Variants in ANKRD34C observed in about 807,000 individuals in gnomAD.
The protein encoded by ANKRD34C is ankyrin repeat domain-containing protein 34C.
For synonymous variants in ANKRD34C, 260 were observed against 253.6 expected (o/e 1.03, Z -0.24); for missense variants, 563 against 653.0 (o/e 0.86, Z 1.50).
At chr15:79,287,502 A>G (rs768481783) in intron 1 of ANKRD34C, among the ~76,000 whole-genome samples, 2 of 152,234 alleles carry the variant, frequency 1.3e-5, no homozygotes, top group Non-Finnish European at 2.9e-5. Context: ...TTTATCCTTA[A>G]CACCTAGCCT....
At chr15:79,285,408 A>G (rs950526802) in intron 1 of ANKRD34C, among the ~76,000 whole-genome samples, 3 of 152,236 alleles carry the variant, frequency 2.0e-5, no homozygotes, top group Non-Finnish European at 1.5e-5. Flanking sequence ...AGTGTATGAC[A>G]TTGTATCTGC....
chr15:79,289,751 G>A (rs770751012), intron 1 of ANKRD34C, among the ~76,000 whole-genome samples: 12 of 152,126 alleles, frequency 7.9e-5, no homozygotes, highest in Non-Finnish European at 1.5e-4. Flanking sequence ...AGCTGAGAAG[G>A]GAGCAAAGAC....
chr15:79,290,993 G>C (rs1466274897), intron 1 of ANKRD34C, among the ~76,000 whole-genome samples: 1 of 152,086 alleles, frequency 6.6e-6, no homozygotes, highest in Non-Finnish European at 1.5e-5. Flanking sequence ...AATAAGGCTG[G>C]GTATCTTTTT....
chr15:79,292,286 T>C (rs780921694), intron 1 of ANKRD34C, among the ~76,000 whole-genome samples: 4 of 152,174 alleles, frequency 2.6e-5, no homozygotes, highest in Non-Finnish European at 4.4e-5. Context: ...TCTTCTTATT[T>C]GTGAAGGGCC....
intron 1 of ANKRD34C, among the ~76,000 whole-genome samples, chr15:79,292,332 G>A (rs540639810): frequency 2.5e-4 from 38 of 152,296 alleles, no homozygotes; most frequent in Non-Finnish European, 4.4e-4. Context: ...TTTTGAGTCC[G>A]GGAATTAGGG....
chr15:79,286,163 C>T (rs1425334163), intron 1 of ANKRD34C, among the ~76,000 whole-genome samples: 1 of 147,432 alleles, frequency 6.8e-6, no homozygotes, highest in Non-Finnish European at 1.5e-5. Flanking sequence ...ATAGTGGCCA[C>T]CATTATAGTG....
chr15:79,285,195 T>A (rs1390563838), intron 1 of ANKRD34C, among the ~76,000 whole-genome samples: 1 of 152,206 alleles, frequency 6.6e-6, no homozygotes, highest in Non-Finnish European at 1.5e-5. Context: ...CCTAGAAACT[T>A]GCTCTGGTCT....
rs2058674207 is a variant in ANKRD34C at position 79,297,126 on chromosome 15, T to G, written c.*2234T>G. 1 of 166,928 alleles carries G rather than the reference T, an allele frequency of 6.0e-6. No homozygotes were observed. Among genetic ancestry groups the G allele is most frequent in the South Asian group, 2.1e-4 (1 of 4,824 alleles). The allele number at this position is 166,928 out of a possible 1,614,324, so 10.3% of individuals were successfully genotyped here. On this transcript the variant is annotated 3_prime_UTR_variant, in exon 2 of 2. Transcript: ENST00000421388. ...TGGTTTAGTGTGGACAACCCTGTTCTTTTCAGAACTATTTAATCATTAATA... is the reference window on the plus strand; with the variant it reads ...TGGTTTAGTGTGGACAACCCTGTTCGTTTCAGAACTATTTAATCATTAATA...
rs1462629061 is a variant in ANKRD34C, at chr15:79,294,687, T to G, written c.1403T>G (p.Val468Gly). Reference sequence around the variant, plus strand: ...CCTGGCTTCCTGCCGCCTTTAAATGTGAATCTGAACCCGCCTATTCCAGAT... The same window carrying G: ...CCTGGCTTCCTGCCGCCTTTAAATGGGAATCTGAACCCGCCTATTCCAGAT... ...TRPGFLPPLN[V>G]NLNPPIPDIR... The change falls in exon 2 of 2, where the codon GTG (valine) becomes GGG (glycine). Residue 468 changes from valine to glycine, a missense_variant. Transcript: ENST00000421388. 1 of 1,551,694 alleles carries G rather than the reference T, an allele frequency of 6.4e-7. No homozygotes were observed. Among genetic ancestry groups the G allele is most frequent in the Non-Finnish European group, 8.7e-7 (1 of 1,146,990 alleles).
At chr15:79,284,538 G>T (rs2058638096) in intron 1 of ANKRD34C, among the ~76,000 whole-genome samples, 1 of 152,162 alleles carries the variant, frequency 6.6e-6, no homozygotes, top group Admixed American at 6.5e-5. Context: ...TGAAAGGAAG[G>T]AGCAGGTAAT....
intron 1 of ANKRD34C, among the ~76,000 whole-genome samples, chr15:79,287,009 C>A (rs934021952): frequency 6.6e-5 from 10 of 152,182 alleles, no homozygotes; most frequent in African/African-American, 2.4e-4. Context: ...GGTTCAACAA[C>A]TTTCCACTCA....
chr15:79,291,406 C>G (rs1463240489), intron 1 of ANKRD34C, among the ~76,000 whole-genome samples: 2 of 152,114 alleles, frequency 1.3e-5, no homozygotes, highest in African/African-American at 4.8e-5. Context: ...TCCACTCATT[C>G]ATCTAGTCTT....
Position 79,297,730 on chromosome 15 carries a change from C to T in ANKRD34C, c.*2838C>T, listed in dbSNP as rs1239523762. The T allele has an allele frequency of 1.2e-5, 2 of 166,998 alleles. No individual in the cohort carries two copies. Among genetic ancestry groups the T allele is most frequent in the African/African-American group, 4.8e-5 (2 of 41,438 alleles). The allele number at this position is 166,998 out of a possible 1,614,324, so 10.3% of individuals were successfully genotyped here. A position where few individuals can be genotyped will look rare whatever the true frequency, so the allele number is the denominator to read the frequency against. On this transcript the variant is annotated 3_prime_UTR_variant, in exon 2 of 2. Transcript: ENST00000421388. ...TTATGCATAAATACGCAATTTTGTC[C>T]ATGTCAATGAACCTAACAAGAATGC...
At chr15:79,287,727 A>C (rs1204806426) in intron 1 of ANKRD34C, among the ~76,000 whole-genome samples, 4 of 152,206 alleles carry the variant, frequency 2.6e-5, no homozygotes, top group African/African-American at 9.7e-5. Context: ...AGTCAGTTGA[A>C]ACTTCAGAGG....
intron 1 of ANKRD34C, among the ~76,000 whole-genome samples, chr15:79,289,130 T>C (rs2058653293): frequency 6.6e-6 from 1 of 152,220 alleles, no homozygotes. Context: ...AAGCCCCGTA[T>C]TCTTAAAATG....
chr15:79,285,930 C>G (rs1405794969), intron 1 of ANKRD34C, among the ~76,000 whole-genome samples: 1 of 152,072 alleles, frequency 6.6e-6, no homozygotes, highest in Non-Finnish European at 1.5e-5. Context: ...TTTCCTGTTT[C>G]TAAACATGGA....
At position 79,284,521 on chromosome 15, in the gene ANKRD34C, T is replaced by G. The variant is rs115749453; in HGVS notation, c.-45+1293T>G. On this transcript the variant is annotated intron_variant, in intron 1 of 1. Transcript: ENST00000421388. ...CAAACTGGGAATTGTGGTTGGGTGT[T>G]AGGGGCTGAAAGGAAGGAGCAGGTA... 2.9e-3 allele frequency among the ~76,000 whole-genome samples: 438 copies of G among 152,228 alleles called. 2 individuals are homozygous for G. Among genetic ancestry groups the G allele is most frequent in the African/African-American group, 9.8e-3 (407 of 41,536 alleles).
At chr15:79,285,670 G>A (rs763763722) in intron 1 of ANKRD34C, among the ~76,000 whole-genome samples, 27 of 152,240 alleles carry the variant, frequency 1.8e-4, no homozygotes, top group African/African-American at 3.4e-4. Flanking sequence ...TGTGTGAATC[G>A]GGCCAATTGT....
rs2058670854 is a variant in ANKRD34C, at chr15:79,295,790, G to A, written c.*898G>A. 1 of 166,738 alleles carries A rather than the reference G, an allele frequency of 6.0e-6. No homozygotes were observed. The highest frequency in any genetic ancestry group is 1.9e-4 in the East Asian group (1 of 5,198). The allele number at this position is 166,738 out of a possible 1,614,324, so 10.3% of individuals were successfully genotyped here. ...AGAATGACAACTGAGGATGAGATGT[G>A]CATAGATTAAATGGTAAAGTGGGTG... On this transcript the variant is annotated 3_prime_UTR_variant, in exon 2 of 2. Transcript: ENST00000421388.
Sources: allele counts gnomAD v4.1 joint callset (sites outside exome capture counted in the v4.1 genomes callset), GRCh38; gene constraint gnomAD v4.1.1; transcripts MANE v1.5; gene names NCBI Gene and HGNC (gene_info 2026-07-23, HGNC 2026-07-21).